ADCY2: variants seen among roughly 807,000 people sequenced by gnomAD.
The protein encoded by ADCY2 is adenylate cyclase type 2.
In ADCY2, 31 loss-of-function variants were observed where a neutral mutation model predicts 125.2. That is an observed-to-expected ratio of 0.25 (90% CI 0.19 to 0.33). The LOEUF is 0.33. ADCY2 is among the 10% of genes least tolerant of loss of function. ADCY2 has a pLI of 1.00. For synonymous variants in ADCY2, 512 were observed against 548.4 expected (o/e 0.93, Z 0.93); for missense variants, 904 against 1,418.2 (o/e 0.64, Z 5.82).
chr5:7,518,946 A>C (rs1057284939), intron 2 of ADCY2, among the ~76,000 whole-genome samples: 6 of 152,140 alleles, frequency 3.9e-5, no homozygotes, highest in African/African-American at 1.4e-4. Context: ...GGCTGCATTT[A>C]CAGGAGCTTC....
At chr5:7,465,961 G>T (rs1742098828) in intron 2 of ADCY2, among the ~76,000 whole-genome samples, 2 of 152,100 alleles carry the variant, frequency 1.3e-5, no homozygotes, top group Non-Finnish European at 2.9e-5. Context: ...TATGTCATTG[G>T]AGAAAATCTT....
rs1008300334 is a variant in ADCY2 at position 7,629,720 on chromosome 5, C to T, written c.720+3404C>T. Among the ~76,000 whole-genome samples the T allele has an allele frequency of 5.9e-5, 9 of 152,236 alleles. No homozygotes were observed. The South Asian group carries it at 6.2e-4, about 11-fold the overall frequency. On this transcript the variant is annotated intron_variant, in intron 4 of 24. Coordinates refer to ENST00000338316, the MANE Select transcript of ADCY2 (RefSeq NM_020546.3). ...AAGTTTCATATCCCACAGTAAAATC[C>T]GCAGCTGTTTCCTGAGCACCGTGTA... is the stretch of plus-strand genomic sequence containing the variant.
intron 1 of ADCY2, among the ~76,000 whole-genome samples, chr5:7,398,644 A>G (rs970877419): frequency 2.0e-5 from 3 of 152,172 alleles, no homozygotes; most frequent in Admixed American, 6.5e-5. Flanking sequence ...TCTCATGTCT[A>G]CTATGTGCAC....
At chr5:7,767,238 C>T (rs373477438) in intron 17 of ADCY2, among the ~76,000 whole-genome samples, 2 of 152,142 alleles carry the variant, frequency 1.3e-5, no homozygotes. Flanking sequence ...TGGCAACATA[C>T]GTTGCTGAGT....
chr5:7,785,772 G>A (rs551925545), intron 19 of ADCY2, among the ~76,000 whole-genome samples: 1 of 152,162 alleles, frequency 6.6e-6, no homozygotes, highest in East Asian at 1.9e-4. Context: ...TTTCATACTG[G>A]GGATGCTTTT....
At chr5:7,816,778 C>T (rs1745125513) in intron 22 of ADCY2, 88 bp from the exon 23 acceptor site, 9 of 1,016,820 alleles carry the variant, frequency 8.9e-6, no homozygotes, top group Non-Finnish European at 1.2e-5. Context: ...GCATTCCTTT[C>T]TGCCTAAAGC....
chr5:7,564,233 G>A (rs1735816564), intron 3 of ADCY2, among the ~76,000 whole-genome samples: 1 of 152,098 alleles, frequency 6.6e-6, no homozygotes, highest in South Asian at 2.1e-4. Context: ...TTCCTATTCT[G>A]TGAGCCACCA....
chr5:7,420,262 T>C (rs1205364959), intron 2 of ADCY2, among the ~76,000 whole-genome samples: 1 of 152,146 alleles, frequency 6.6e-6, no homozygotes. Context: ...CTGTAATGCC[T>C]TTTAAATAAC....
intron 4 of ADCY2, among the ~76,000 whole-genome samples, chr5:7,674,991 T>TA (rs886334399): frequency 6.6e-6 from 1 of 151,926 alleles, no homozygotes; most frequent in Non-Finnish European, 1.5e-5. Context: ...CCGTCTCTAC[T>TA]AAAAATACAA....
chr5:7,427,440 G>T (rs551201515), intron 2 of ADCY2, among the ~76,000 whole-genome samples: 1 of 152,330 alleles, frequency 6.6e-6, no homozygotes, highest in Non-Finnish European at 1.5e-5. Flanking sequence ...CAAGACAGCA[G>T]CAGGGAGAAG....
intron 3 of ADCY2, among the ~76,000 whole-genome samples, chr5:7,571,882 A>G (rs1259173510): frequency 6.6e-6 from 1 of 152,214 alleles, no homozygotes; most frequent in African/African-American, 2.4e-5. Flanking sequence ...AAGTGAGAAC[A>G]TGCAGTATTC....
intron 3 of ADCY2, among the ~76,000 whole-genome samples, chr5:7,554,502 T>G (rs1735441290): frequency 1.3e-5 from 2 of 152,146 alleles, no homozygotes; most frequent in South Asian, 4.2e-4. Context: ...CTAGGTGGGG[T>G]TTGGTTGTGC....
intron 20 of ADCY2, chr5:7,795,271 C>T (rs1276032964): frequency 6.6e-6 from 1 of 152,226 alleles, no homozygotes; most frequent in Non-Finnish European, 1.5e-5. Flanking sequence ...ATACTGTTAG[C>T]TATCTTTTAA....
chr5:7,558,773 A>G (rs1735617413), intron 3 of ADCY2, among the ~76,000 whole-genome samples: 1 of 152,196 alleles, frequency 6.6e-6, no homozygotes, highest in South Asian at 2.1e-4. Context: ...TATGGCCAGA[A>G]TGGTATTGCC....
intron 4 of ADCY2, among the ~76,000 whole-genome samples, chr5:7,680,718 C>G (rs1411218931): frequency 6.6e-6 from 1 of 152,176 alleles, no homozygotes; most frequent in Non-Finnish European, 1.5e-5. Context: ...TCCTATGTAA[C>G]TTGCAAGGAA....
At chr5:7,679,423 G>A (rs1740249236) in intron 4 of ADCY2, among the ~76,000 whole-genome samples, 1 of 152,220 alleles carries the variant, frequency 6.6e-6, no homozygotes, top group Non-Finnish European at 1.5e-5. Flanking sequence ...TTCAGAGCTG[G>A]AGCTGAGCTT....
chr5:7,424,760 A>G (rs1045209520), intron 2 of ADCY2, among the ~76,000 whole-genome samples: 3 of 152,232 alleles, frequency 2.0e-5, no homozygotes, highest in Non-Finnish European at 4.4e-5. Context: ...AGGAATAATA[A>G]TAGCCCATGT....
intron 4 of ADCY2, among the ~76,000 whole-genome samples, chr5:7,646,362 T>G (rs1381718921): frequency 6.6e-6 from 1 of 151,204 alleles, no homozygotes; most frequent in Non-Finnish European, 1.5e-5. Flanking sequence ...ATACACATAT[T>G]TATAGAAATA....
chr5:7,747,637 G>A (rs1364869199), intron 15 of ADCY2, among the ~76,000 whole-genome samples: 1 of 151,962 alleles, frequency 6.6e-6, no homozygotes, highest in African/African-American at 2.4e-5. Context: ...TGACTCTGAC[G>A]TGCCTCCAGC....
Sources: allele counts gnomAD v4.1 joint callset (sites outside exome capture counted in the v4.1 genomes callset), GRCh38; gene constraint gnomAD v4.1.1; transcripts MANE v1.5; gene names NCBI Gene and HGNC (gene_info 2026-07-23, HGNC 2026-07-21).